Variants in TPD52L1 observed in about 807,000 individuals in gnomAD.
The protein encoded by TPD52L1 is tumor protein D53.
TPD52L1 carries 18 observed loss-of-function variants against 28.7 expected under a neutral mutation model. The ratio of observed to expected loss-of-function variants is 0.63; its 90% confidence interval spans 0.43 to 0.93. TPD52L1 has a LOEUF of 0.93. TPD52L1 is among the 40% of genes least tolerant of loss of function. The pLI is 0.00. For missense variants in TPD52L1, 203 were observed against 254.8 expected, an observed-to-expected ratio of 0.80 and a Z score of 1.39; for synonymous variants, 75 against 88.8, an observed-to-expected ratio of 0.84 and a Z score of 0.88.
rs117475900 is a variant in TPD52L1, at chr6:125,226,172, T to C, written c.136-2946T>C. ...GATCTCTGATAAATATTCTGAACGT[T>C]TTGAAAAGTGTGAGTCTTTATATTG... On this transcript the variant is annotated intron_variant, in intron 2 of 6. Transcript: ENST00000534000. Among the ~76,000 whole-genome samples, 221 of 152,284 alleles carry C rather than the reference T, an allele frequency of 1.5e-3. 2 individuals are homozygous for C. The East Asian group carries it at 0.022, about 15-fold the overall frequency.
At position 125,262,617 on chromosome 6, in the gene TPD52L1, T is replaced by A. The variant is rs1037062250; in HGVS notation, c.487-217T>A. On this transcript the variant is annotated intron_variant, in intron 6 of 6. Coordinates refer to ENST00000534000, the MANE Select transcript of TPD52L1 (RefSeq NM_003287.4). ...GAGATAAAGAGAGGGTTGCTAAAAG[T>A]GTGCAAAATTAAAGTTTGGAATCCT... 5 of 518,604 alleles carry A rather than the reference T, an allele frequency of 9.6e-6. No homozygotes were observed. The Admixed American group carries it at 1.9e-4, about 20-fold the overall frequency. The allele number at this position is 518,604 out of a possible 1,614,324, so 32.1% of individuals were successfully genotyped here.
chr6:125,196,569 A>G (rs1344247677), intron 1 of TPD52L1, among the ~76,000 whole-genome samples: 1 of 152,268 alleles, frequency 6.6e-6, no homozygotes, highest in African/African-American at 2.4e-5. Flanking sequence ...GTTAGCTTAT[A>G]TAAAGCACAT....
chr6:125,228,250 A>C (rs1209547631), intron 2 of TPD52L1, among the ~76,000 whole-genome samples: 1 of 152,154 alleles, frequency 6.6e-6, no homozygotes, highest in African/African-American at 2.4e-5. Flanking sequence ...GAAGAAGAAG[A>C]AGCAAGTAAA....
chr6:125,158,071 C>G (rs2114728522), intron 1 of TPD52L1, among the ~76,000 whole-genome samples: 1 of 152,250 alleles, frequency 6.6e-6, no homozygotes, highest in South Asian at 2.1e-4. Context: ...CATCAAACCT[C>G]CCTCTGCCTC....
chr6:125,214,638 C>T (rs776577259), intron 1 of TPD52L1, among the ~76,000 whole-genome samples: 60 of 152,102 alleles, frequency 3.9e-4, no homozygotes, highest in Non-Finnish European at 6.3e-4. Context: ...ATGCCAAAAT[C>T]CTAAATATTA....
chr6:125,235,210 A>G (rs567710223), intron 3 of TPD52L1, among the ~76,000 whole-genome samples: 114 of 151,926 alleles, frequency 7.5e-4, no homozygotes, highest in Non-Finnish European at 1.2e-3. Context: ...ATGGGGACCT[A>G]TCTTACTCAT....
At chr6:125,202,029 CT>C (rs1398351220) in intron 1 of TPD52L1, among the ~76,000 whole-genome samples, 2 of 152,146 alleles carry the variant, frequency 1.3e-5, no homozygotes, top group Non-Finnish European at 2.9e-5. Flanking sequence ...CTGACCAATG[CT>C]TTTTGAATGT....
At chr6:125,180,495 G>T (rs80173662) in intron 1 of TPD52L1, among the ~76,000 whole-genome samples, 9,075 of 151,668 alleles carry the variant, frequency 0.06, 349 homozygotes, top group Middle Eastern at 0.096. Context: ...ACACATATAA[G>T]AATTTGCAAA....
intron 1 of TPD52L1, among the ~76,000 whole-genome samples, chr6:125,160,244 A>G (rs1790432419): frequency 6.6e-6 from 1 of 152,246 alleles, no homozygotes; most frequent in Non-Finnish European, 1.5e-5. Context: ...GTAGTTCTTA[A>G]TAGTGGACTT....
Position 125,191,947 on chromosome 6 carries a change from G to A in TPD52L1, c.20-28131G>A, listed in dbSNP as rs534296392. 2.0e-5 allele frequency among the ~76,000 whole-genome samples: 3 copies of A among 152,276 alleles called. No homozygotes were observed. The East Asian group carries it at 5.8e-4, about 29-fold the overall frequency. ...GCTATTCTAAAGCAGAATCTAAGTA[G>A]AATCAAAAGATTTGAACAAAATTAT... is the stretch of plus-strand genomic sequence containing the variant. On this transcript the variant is annotated intron_variant, in intron 1 of 6. Coordinates refer to ENST00000534000, the MANE Select transcript of TPD52L1 (RefSeq NM_003287.4).
rs1278697101 is a variant in TPD52L1 at position 125,153,862 on chromosome 6, G to A, written c.-90G>A. 9 of 1,466,868 alleles carry A rather than the reference G, an allele frequency of 6.1e-6. No individual in the cohort carries two copies. Among genetic ancestry groups the A allele is most frequent in the Non-Finnish European group, 8.2e-6 (9 of 1,092,780 alleles). 90.9% of individuals were successfully genotyped at this position (1,466,868 alleles called of 1,614,324 possible). A position where few individuals can be genotyped will look rare whatever the true frequency, so the allele number is the denominator to read the frequency against. ...GCCAGGAGTGGGAGCGAGCGGCGGG[G>A]CCAGCTGCGTTCTGAGCCTGGGCGC... On this transcript the variant is annotated 5_prime_UTR_variant, in exon 1 of 7. Coordinates refer to ENST00000534000, the MANE Select transcript of TPD52L1 (RefSeq NM_003287.4).
chr6:125,243,161 G>T (rs1315148118), intron 3 of TPD52L1, among the ~76,000 whole-genome samples: 3 of 152,150 alleles, frequency 2.0e-5, no homozygotes, highest in Non-Finnish European at 4.4e-5. Context: ...TAAGATTTCT[G>T]CTGATAAACC....
At chr6:125,162,716 T>C (rs140742334) in intron 1 of TPD52L1, among the ~76,000 whole-genome samples, 1 of 152,326 alleles carries the variant, frequency 6.6e-6, no homozygotes, top group Non-Finnish European at 1.5e-5. Context: ...AAAGTGAAGA[T>C]AGTAATAGCT....
At chr6:125,193,883 C>A (rs1189411276) in intron 1 of TPD52L1, among the ~76,000 whole-genome samples, 1 of 151,916 alleles carries the variant, frequency 6.6e-6, no homozygotes, top group Non-Finnish European at 1.5e-5. Context: ...AAGCCCTGGC[C>A]CGGGGCTTCA....
chr6:125,219,504 G>A (rs1795088784), intron 1 of TPD52L1, among the ~76,000 whole-genome samples: 2 of 152,210 alleles, frequency 1.3e-5, no homozygotes, highest in South Asian at 4.1e-4. Flanking sequence ...CAGGTGGTGT[G>A]CATTCAAGTT....
chr6:125,233,303 G>T (rs766277721), intron 3 of TPD52L1, among the ~76,000 whole-genome samples: 4 of 152,146 alleles, frequency 2.6e-5, no homozygotes, highest in African/African-American at 4.8e-5. Context: ...AAAATTGAAC[G>T]TTAGTTTATG....
intron 3 of TPD52L1, among the ~76,000 whole-genome samples, chr6:125,235,769 A>C (rs574665389): frequency 6.6e-6 from 1 of 152,240 alleles, no homozygotes; most frequent in Admixed American, 6.5e-5. Flanking sequence ...AGCTGGGCTC[A>C]GTGGCGCTTG....
intron 1 of TPD52L1, among the ~76,000 whole-genome samples, chr6:125,177,627 A>G (rs17052803): frequency 0.038 from 5,712 of 152,194 alleles, 358 homozygotes; most frequent in East Asian, 0.33. Flanking sequence ...TCTGCAGCAC[A>G]TTGCAGTTAT....
chr6:125,167,689 A>G (rs1035309907), intron 1 of TPD52L1, among the ~76,000 whole-genome samples: 1 of 152,216 alleles, frequency 6.6e-6, no homozygotes, highest in Non-Finnish European at 1.5e-5. Context: ...ATGTGATTAC[A>G]TCGTGCAGTG....
Sources: gnomAD v4.1 joint callset for allele counts (sites outside exome capture counted in the v4.1 genomes callset) on GRCh38, gnomAD v4.1.1 for gene constraint, MANE v1.5 for transcripts, NCBI Gene and HGNC (gene_info 2026-07-23, HGNC 2026-07-21) for gene names.